PSIP1: variants seen among roughly 807,000 people sequenced by gnomAD.
The protein encoded by PSIP1 is PC4 and SRSF1 interacting protein 1.
A neutral mutation model predicts 74.7 loss-of-function variants in PSIP1; 19 were observed. The observed-to-expected ratio is 0.25, with a 90% CI of 0.18 to 0.37. The LOEUF (loss-of-function observed/expected upper bound fraction) is 0.37, where lower values mean the gene tolerates loss of function less well. PSIP1 is among the 10% of genes least tolerant of loss of function. The probability of loss-of-function intolerance (pLI) is 1.00; values close to 1 mark genes in which losing one functional copy is unlikely to be tolerated. For synonymous variants in PSIP1, 222 were observed against 195.3 expected, an observed-to-expected ratio of 1.14 and a Z score of -1.14; for missense variants, 601 against 614.3, an observed-to-expected ratio of 0.98 and a Z score of 0.23.
At position 15,464,506 on chromosome 9, in the gene PSIP1, G is replaced by A. The variant is rs1425874438; in HGVS notation, c.*1014C>T. On this transcript the variant is annotated 3_prime_UTR_variant, in exon 16 of 16. Coordinates refer to ENST00000380733, the MANE Select transcript of PSIP1 (RefSeq NM_033222.5). ...CACGTCAATGTACAGACTTATCAAA[G>A]TACAATGCTGGAACAACTAGTGTTT... The A allele has an allele frequency of 5.0e-6, 1 of 200,300 alleles. No individual in the cohort carries two copies. The highest frequency in any genetic ancestry group is 2.3e-5 in the African/African-American group (1 of 43,460). The allele number at this position is 200,300 out of a possible 1,614,324, so 12.4% of individuals were successfully genotyped here.
rs767116077 is a variant in PSIP1, at chr9:15,468,849, A to G, written c.1207-6T>C. On this transcript the variant is annotated splice_region_variant and splice_polypyrimidine_tract_variant and intron_variant, in intron 13 of 15. Transcript: ENST00000380733. ...CTAACTTTGAATCGCCGTATCTGAGAAAACAATATACATTCATCATAATTG... is the reference window on the plus strand; with the variant it reads ...CTAACTTTGAATCGCCGTATCTGAGGAAACAATATACATTCATCATAATTG... The G allele has an allele frequency of 1.9e-6, 3 of 1,611,376 alleles. No homozygotes were observed. Among genetic ancestry groups the G allele is most frequent in the East Asian group, 2.2e-5 (1 of 44,852 alleles).
At chr9:15,507,928 G>C (rs1322046274) in intron 2 of PSIP1, among the ~76,000 whole-genome samples, 1 of 152,172 alleles carries the variant, frequency 6.6e-6, no homozygotes, top group Non-Finnish European at 1.5e-5. Flanking sequence ...GATCACACCT[G>C]TTATCTCAAC....
chr9:15,466,489 A>G (rs2035635236), intron 15 of PSIP1, among the ~76,000 whole-genome samples: 1 of 152,246 alleles, frequency 6.6e-6, no homozygotes, highest in African/African-American at 2.4e-5. Context: ...GTATCTCAGT[A>G]AAAGTAGTCC....
intron 2 of PSIP1, among the ~76,000 whole-genome samples, chr9:15,509,036 A>G (rs1163323396): frequency 1.3e-5 from 2 of 152,222 alleles, no homozygotes; most frequent in Non-Finnish European, 2.9e-5. Context: ...AAGTCAAGGA[A>G]CAGTGATCGT....
At position 15,472,796 on chromosome 9, in the gene PSIP1, A is replaced by T. The variant is rs377701866; in HGVS notation, c.859-46T>A. On this transcript the variant is annotated intron_variant, in intron 9 of 15. Coordinates refer to ENST00000380733, the MANE Select transcript of PSIP1 (RefSeq NM_033222.5). ...GTTTTATTTAACTATAAAGTCAGTG[A>T]CTAGTGCTTATGGAATTATAATCTT... is the stretch of plus-strand genomic sequence containing the variant. 1.9e-4 allele frequency: 285 copies of T among 1,497,880 alleles called. No homozygotes were observed. In the African/African-American group the frequency reaches 3.7e-3, roughly 19 times the overall value. The allele number at this position is 1,497,880 out of a possible 1,614,324, so 92.8% of individuals were successfully genotyped here.
rs188688136 is a variant in PSIP1 at position 15,467,680 on chromosome 9, G to A, written c.1421-821C>T. Among the ~76,000 whole-genome samples, 6 of 152,274 alleles carry A rather than the reference G, an allele frequency of 3.9e-5. No homozygotes were observed. In the East Asian group the frequency reaches 9.6e-4, roughly 24 times the overall value. On this transcript the variant is annotated intron_variant, in intron 14 of 15. Coordinates refer to ENST00000380733, the MANE Select transcript of PSIP1 (RefSeq NM_033222.5). ...TGAGAAGTTATTTCTATTTGTATAA[G>A]TTATAAATTTTTCCTAATACAAATG...
At chr9:15,478,297 A>G (rs1210800379) in intron 8 of PSIP1, among the ~76,000 whole-genome samples, 180 bp downstream of exon 8, 1 of 152,084 alleles carries the variant, frequency 6.6e-6, no homozygotes, top group Non-Finnish European at 1.5e-5. Flanking sequence ...AATGATAAAT[A>G]GCCATTCCTT....
intron 3 of PSIP1, 88 bp downstream of exon 3, chr9:15,506,473 G>A (rs974610529): frequency 5.4e-5 from 50 of 931,118 alleles, no homozygotes; most frequent in Middle Eastern, 4.5e-4. Context: ...TTCCTATTAC[G>A]TTACGATTTC....
Position 15,470,645 on chromosome 9 carries a change from T to A in PSIP1, c.978-652A>T, listed in dbSNP as rs185641879. 3.6e-3 allele frequency: 3,313 copies of A among 928,964 alleles called. 13 individuals are homozygous for A. The highest frequency in any genetic ancestry group is 0.016 in the African/African-American group (868 of 55,882). The allele number at this position is 928,964 out of a possible 1,614,324, so 57.5% of individuals were successfully genotyped here. On this transcript the variant is annotated intron_variant, in intron 10 of 15. Coordinates refer to ENST00000380733, the MANE Select transcript of PSIP1 (RefSeq NM_033222.5). ...ATATCTAAAAATCAGGTTTTTTTTT[T>A]AAAAAAAACTTTATTTTAAAATTTT... is the stretch of plus-strand genomic sequence containing the variant.
Position 15,474,222 on chromosome 9 carries a change from G to C in PSIP1, c.645C>G (p.Asp215Glu). The change falls in exon 9 of 16, where the codon GAC becomes GAG. Residue 215 changes from aspartate (D) to glutamate (E), a missense_variant. Transcript: ENST00000380733. Reference sequence around the variant, plus strand: ...CCTCTTGCCCCTTTTTCTTACTTTTGTCCTCTTCAGTAATGCTATTTTAGA... The same window carrying C: ...CCTCTTGCCCCTTTTTCTTACTTTTCTCCTCTTCAGTAATGCTATTTTAGA... Reference protein sequence around the residue: ...PSESDIITEEDKSKKKGQEEK... With the variant: ...PSESDIITEEEKSKKKGQEEK... 1 of 1,607,910 alleles carries C rather than the reference G, an allele frequency of 6.2e-7. No homozygotes were observed. The highest frequency in any genetic ancestry group is 8.5e-7 in the Non-Finnish European group (1 of 1,178,238).
chr9:15,484,347 C>T (rs2036467827), intron 6 of PSIP1, among the ~76,000 whole-genome samples: 1 of 151,358 alleles, frequency 6.6e-6, no homozygotes, highest in Non-Finnish European at 1.5e-5. Flanking sequence ...ACCTGTAATC[C>T]CAGAGCTTCA....
rs749970363 is a variant in PSIP1 at position 15,479,573 on chromosome 9, A to G, written c.553+18T>C. The G allele has an allele frequency of 7.7e-6, 12 of 1,558,120 alleles. No individual in the cohort carries two copies. In the East Asian group the frequency reaches 2.7e-4, roughly 36 times the overall value. Reference sequence around the variant, plus strand: ...TTAATCACAAGCCAAACAGATATTTAAACATCAGTAATCCTACCTGCAGGT... The same window carrying G: ...TTAATCACAAGCCAAACAGATATTTGAACATCAGTAATCCTACCTGCAGGT... On this transcript the variant is annotated intron_variant, in intron 7 of 15. Transcript: ENST00000380733.
intron 6 of PSIP1, among the ~76,000 whole-genome samples, chr9:15,482,544 C>T (rs1199345014): frequency 6.6e-6 from 1 of 152,174 alleles, no homozygotes; most frequent in East Asian, 1.9e-4. Flanking sequence ...CCATCCCTCC[C>T]CTTCAGTGTT....
intron 4 of PSIP1, among the ~76,000 whole-genome samples, chr9:15,488,921 T>C (rs546120446): frequency 1.3e-5 from 2 of 152,218 alleles, no homozygotes; most frequent in Non-Finnish European, 2.9e-5. Flanking sequence ...CTCGGAAGGC[T>C]GAGGCAGGAG....
chr9:15,487,984 T>C (rs914595602), intron 4 of PSIP1, among the ~76,000 whole-genome samples: 1 of 152,126 alleles, frequency 6.6e-6, no homozygotes, highest in African/African-American at 2.4e-5. Context: ...ATCTAAAAAG[T>C]TCTCCAAGGT....
intron 3 of PSIP1, among the ~76,000 whole-genome samples, chr9:15,496,171 ATGT>A (rs1265372028): frequency 4.6e-5 from 7 of 152,206 alleles, no homozygotes; most frequent in African/African-American, 7.2e-5. Flanking sequence ...CTAGCAGCAA[ATGT>A]TGTAGTTTAT....
chr9:15,473,903 ACAAAAAAAAAAC>A lies in PSIP1; in HGVS notation c.858+94_858+105del. On this transcript the variant is annotated intron_variant, in intron 9 of 15. Coordinates refer to ENST00000380733, the MANE Select transcript of PSIP1 (RefSeq NM_033222.5). ...GCAACACAGCGAGACTCCATCTCAA[ACAAAAAAAAAAC>A]AAAAAAAAAAACAAAAAAAAAACAA... The A allele has an allele frequency of 5.9e-6, 5 of 849,200 alleles. No individual in the cohort carries two copies. The African/African-American group carries it at 9.7e-5, about 17-fold the overall frequency. 52.6% of individuals were successfully genotyped at this position (849,200 alleles called of 1,614,324 possible).
intron 3 of PSIP1, among the ~76,000 whole-genome samples, chr9:15,493,717 G>A (rs191691901): frequency 1.8e-4 from 28 of 152,288 alleles, no homozygotes; most frequent in Non-Finnish European, 2.2e-4. Flanking sequence ...GGGAATGAGC[G>A]CAAGCAGGGG....
intron 3 of PSIP1, among the ~76,000 whole-genome samples, chr9:15,495,283 C>A (rs942742468): frequency 3.3e-5 from 5 of 149,392 alleles, no homozygotes; most frequent in African/African-American, 1.3e-4. Flanking sequence ...TGATCTACCA[C>A]AAAGTTACTG....
Sources: gnomAD v4.1 joint callset for allele counts (sites outside exome capture counted in the v4.1 genomes callset) on GRCh38, gnomAD v4.1.1 for gene constraint, MANE v1.5 for transcripts, NCBI Gene and HGNC (gene_info 2026-07-23, HGNC 2026-07-21) for gene names.